PRKDC: variants seen among roughly 807,000 people sequenced by gnomAD.
PRKDC encodes the protein DNA-dependent protein kinase catalytic subunit.
Under a neutral mutation model 486.9 loss-of-function variants are expected in PRKDC, and 82 were observed. The ratio of observed to expected loss-of-function variants is 0.17; its 90% CI spans 0.14 to 0.20. The LOEUF (loss-of-function observed/expected upper bound fraction) is 0.20, where lower values mean the gene tolerates loss of function less well. Ranked by LOEUF, PRKDC falls within the 10% of genes least tolerant of loss-of-function variation. The pLI, the probability that PRKDC is intolerant of heterozygous loss-of-function variation, is 1.00. For missense variants in PRKDC, 4,504 were observed against 5,038.2 expected (o/e 0.89, Z 3.21); for synonymous variants, 1,895 against 1,837.0 (o/e 1.03, Z -0.81).
intron 68 of PRKDC, among the ~76,000 whole-genome samples, chr8:47,815,867 G>C (rs1245311647): frequency 6.6e-6 from 1 of 152,002 alleles, no homozygotes; most frequent in Non-Finnish European, 1.5e-5. Flanking sequence ...AGTTGCAAAA[G>C]AAAAGCAAAA....
rs761621190 is a variant in PRKDC, at chr8:47,885,994, C to A, written c.4726G>T (p.Asp1576Tyr). The A allele has an allele frequency of 1.9e-6, 3 of 1,613,822 alleles. No homozygotes were observed. The highest frequency in any genetic ancestry group is 2.7e-5 in the African/African-American group (2 of 74,944). Residue 1576 changes from aspartate to tyrosine, a missense_variant, in exon 36 of 86, where the codon GAT becomes TAT. This residue lies in a region of PRKDC where 1,969 missense variants were observed against 2,068.9 expected (regional missense o/e 0.95). Transcript: ENST00000314191. ...TINTELLKNL[D>Y]LAVLELMQSS... is the part of the protein sequence containing the mutation. ...TGCATGAGCTCCAATACAGCAAGAT[C>A]CAGATTTTTCAATAATTCCGTGTTG...
intron 23 of PRKDC, 50 bp from the exon 24 acceptor site, chr8:47,914,114 G>C (rs759778208): frequency 1.2e-5 from 16 of 1,350,596 alleles, no homozygotes; most frequent in Middle Eastern, 3.9e-4. Flanking sequence ...CTTTTTATTA[G>C]TGTCAGAATT....
intron 3 of PRKDC, among the ~76,000 whole-genome samples, chr8:47,956,265 GGGA>G (rs1414946246): frequency 6.6e-6 from 1 of 152,156 alleles, no homozygotes; most frequent in Non-Finnish European, 1.5e-5. Context: ...AGGAGGCTGA[GGGA>G]GGAGAATCGC....
intron 32 of PRKDC, 31 bp from the exon 33 acceptor site, chr8:47,889,253 G>T: frequency 6.5e-7 from 1 of 1,541,194 alleles, no homozygotes; most frequent in Non-Finnish European, 8.8e-7. Context: ...AAAACACTTC[G>T]TCAGCCAGCA....
chr8:47,914,886 CGCAG>C (rs1475051935), intron 23 of PRKDC, among the ~76,000 whole-genome samples: 1 of 151,948 alleles, frequency 6.6e-6, no homozygotes, highest in Non-Finnish European at 1.5e-5. Flanking sequence ...AACTCCTGAG[CGCAG>C]GCAATCTTCC....
chr8:47,845,342 C>A (rs1044811607), intron 54 of PRKDC, among the ~76,000 whole-genome samples: 20 of 151,926 alleles, frequency 1.3e-4, no homozygotes, highest in Non-Finnish European at 2.8e-4. Context: ...TTCAACAAAA[C>A]CAAAAGTTGA....
rs776912170 is a variant in PRKDC, at chr8:47,935,836, T to C, written c.1343A>G (p.Gln448Arg). ...LVVMQIDSFP[Q>R]YSPKMQLVCC... is the part of the protein sequence containing the mutation. Reference sequence around the variant, plus strand: ...CACCAGCTGCATTTTTGGACTGTACTGTGGGAAACTGTCTATCTGCATCAC... The same window carrying C: ...CACCAGCTGCATTTTTGGACTGTACCGTGGGAAACTGTCTATCTGCATCAC... Residue 448 changes from glutamine to arginine, a missense_variant, in exon 13 of 86, where the codon CAG (glutamine) becomes CGG (arginine). By Grantham distance (43) the Gln-to-Arg change is conservative. Transcript: ENST00000314191. 1 of 1,614,016 alleles carries C rather than the reference T, an allele frequency of 6.2e-7. No homozygotes were observed. The highest frequency in any genetic ancestry group is 1.7e-5 in the Admixed American group (1 of 60,022).
intron 44 of PRKDC, among the ~76,000 whole-genome samples, chr8:47,861,248 T>A (rs542127846): frequency 6.6e-6 from 1 of 152,208 alleles, no homozygotes. Context: ...CTCTTATGCC[T>A]GGACTGCTGA....
rs1415930979 is a variant in PRKDC, at chr8:47,807,341, A to G, written c.9558-15T>C. ...GAAAGAAACATCTACACAAAGAAAA[A>G]TGAGACAATGTCACAGACTCAGGAA... On this transcript the variant is annotated splice_polypyrimidine_tract_variant and intron_variant, in intron 68 of 85. Coordinates refer to ENST00000314191, the MANE Select transcript of PRKDC (RefSeq NM_006904.7). The G allele has an allele frequency of 6.6e-7, 1 of 1,525,218 alleles. No homozygotes were observed. The allele number at this position is 1,525,218 out of a possible 1,614,324, so 94.5% of individuals were successfully genotyped here.
At chr8:47,812,537 G>A (rs2087351308) in intron 68 of PRKDC, among the ~76,000 whole-genome samples, 1 of 152,122 alleles carries the variant, frequency 6.6e-6, no homozygotes, top group Non-Finnish European at 1.5e-5. Flanking sequence ...TCACATGAGA[G>A]TTAGAAAAAT....
At position 47,833,501 on chromosome 8, in the gene PRKDC, AAGACC is replaced by A. The variant is rs547955540; in HGVS notation, c.8152+690_8152+694del. On this transcript the variant is annotated intron_variant, in intron 59 of 85. Coordinates refer to ENST00000314191, the MANE Select transcript of PRKDC (RefSeq NM_006904.7). Reference sequence around the variant, plus strand: ...GTCTAGTTCTGGTCATCTGTTAGCCAAGACCAGGTCCTGGTGCCTGCCTCCAGTCC... The same window carrying A: ...GTCTAGTTCTGGTCATCTGTTAGCCAAGGTCCTGGTGCCTGCCTCCAGTCC... 1.3e-4 allele frequency among the ~76,000 whole-genome samples: 20 copies of A among 151,954 alleles called. No homozygotes were observed. The East Asian group carries it at 3.9e-3, about 29-fold the overall frequency.
chr8:47,859,057 A>G, intron 46 of PRKDC, 71 bp from the exon 47 acceptor site: 2 of 1,557,626 alleles, frequency 1.3e-6, no homozygotes. Context: ...TGGATGTGGG[A>G]GGCTCTTTCT....
At position 47,860,881 on chromosome 8, in the gene PRKDC, AT is replaced by A; in HGVS notation, c.6058+17del. ...CCATCGATTTGAATCCTTTCTCATG[AT>A]TTTGAAAACATCCTACCTGAATCCC... is the stretch of plus-strand genomic sequence containing the variant. On this transcript the variant is annotated intron_variant, in intron 45 of 85. Coordinates refer to ENST00000314191, the MANE Select transcript of PRKDC (RefSeq NM_006904.7). The A allele has an allele frequency of 6.3e-7, 1 of 1,584,484 alleles. No homozygotes were observed. The highest frequency in any genetic ancestry group is 8.6e-7 in the Non-Finnish European group (1 of 1,161,286).
intron 19 of PRKDC, 132 bp from the exon 20 acceptor site, chr8:47,928,022 AC>A (rs2090182227): frequency 1.3e-6 from 1 of 744,492 alleles, no homozygotes; most frequent in African/African-American, 1.8e-5. Context: ...ACATTCACTT[AC>A]AAATTACACA....
At chr8:47,940,166 C>T (rs898290347) in intron 10 of PRKDC, among the ~76,000 whole-genome samples, 2 of 152,118 alleles carry the variant, frequency 1.3e-5, no homozygotes, top group South Asian at 2.1e-4. Context: ...TGACTTCAGA[C>T]GTCATCAATA....
At chr8:47,843,038 G>C (rs2088184090) in intron 54 of PRKDC, among the ~76,000 whole-genome samples, 2 of 152,158 alleles carry the variant, frequency 1.3e-5, no homozygotes, top group African/African-American at 2.4e-5. Flanking sequence ...GGTGGTGCAT[G>C]CCTGTGGTCC....
At chr8:47,948,755 C>T (rs947925366) in intron 7 of PRKDC, among the ~76,000 whole-genome samples, 2 of 151,898 alleles carry the variant, frequency 1.3e-5, no homozygotes, top group African/African-American at 4.8e-5. Context: ...AGCCACCGCG[C>T]CCGGCCCTGG....
chr8:47,898,861 A>C (rs1417599542), intron 28 of PRKDC, among the ~76,000 whole-genome samples: 1 of 152,260 alleles, frequency 6.6e-6, no homozygotes, highest in Non-Finnish European at 1.5e-5. Context: ...TGTACCACCA[A>C]CACCACGGCC....
chr8:47,956,991 A>C (rs1015048191), intron 3 of PRKDC, among the ~76,000 whole-genome samples, 180 bp downstream of exon 3: 1 of 150,246 alleles, frequency 6.7e-6, no homozygotes, highest in East Asian at 1.9e-4. Context: ...AAAAAAAAAA[A>C]AAAAAAAAAA....
Sources: gnomAD v4.1 joint callset for allele counts (sites outside exome capture counted in the v4.1 genomes callset) on GRCh38, gnomAD v4.1.1 for gene constraint, gnomAD v4.1.1 regional missense constraint, MANE v1.5 for transcripts, NCBI Gene and HGNC (gene_info 2026-07-23, HGNC 2026-07-21) for gene names.